PPARGC1A: variants seen among roughly 807,000 people sequenced by gnomAD.
The protein encoded by PPARGC1A is PPARG coactivator 1 alpha, also known as peroxisome proliferator-activated receptor gamma coactivator 1-alpha.
In PPARGC1A, 25 loss-of-function variants were observed where a neutral mutation model predicts 88.7. The ratio of observed to expected loss-of-function variants is 0.28; its 90% CI spans 0.21 to 0.39. PPARGC1A has a LOEUF of 0.39. Ranked by LOEUF, PPARGC1A falls within the 10% of genes least tolerant of loss-of-function variation. The probability of loss-of-function intolerance (pLI) is 1.00; values close to 1 mark genes in which losing one functional copy is unlikely to be tolerated. For missense variants in PPARGC1A, 880 were observed against 968.7 expected (o/e 0.91, Z 1.22); for synonymous variants, 363 against 355.6 (o/e 1.02, Z -0.24).
chr4:24,137,292 A>G, the PPARGC1A span, among the ~76,000 whole-genome samples: 1 of 151,852 alleles, frequency 6.6e-6, no homozygotes, highest in Non-Finnish European at 1.5e-5. Context: ...CCTCAGAGGA[A>G]AACAACCCTG....
At chr4:23,894,575 A>G (rs191913999), upstream of PPARGC1A, among the ~76,000 whole-genome samples, 1 of 152,278 alleles carries the variant, frequency 6.6e-6, no homozygotes, top group Admixed American at 6.5e-5. Context: ...TTTTTAATAA[A>G]CAAGTTATGA....
the PPARGC1A span, among the ~76,000 whole-genome samples, chr4:24,450,797 G>T: frequency 6.6e-6 from 1 of 151,778 alleles, no homozygotes; most frequent in Non-Finnish European, 1.5e-5. Flanking sequence ...ACCATTTGAA[G>T]GAAAAAAAAA....
At chr4:24,241,087 C>T in the PPARGC1A span, among the ~76,000 whole-genome samples, 40,243 of 152,108 alleles carry the variant, frequency 0.26, 5,950 homozygotes, top group Non-Finnish European at 0.33. Context: ...ACACAATTCA[C>T]CCATTCTTTT....
chr4:24,181,178 C>G, the PPARGC1A span, among the ~76,000 whole-genome samples: 1 of 152,166 alleles, frequency 6.6e-6, no homozygotes, highest in Non-Finnish European at 1.5e-5. Flanking sequence ...AGGTGAATTA[C>G]TAATAGTTAA....
chr4:24,321,834 C>A, the PPARGC1A span, among the ~76,000 whole-genome samples: 3 of 152,210 alleles, frequency 2.0e-5, no homozygotes, highest in African/African-American at 7.2e-5. Context: ...TAAGAACAGA[C>A]AACAACTCAG....
At chr4:23,965,350 C>T in the PPARGC1A span, among the ~76,000 whole-genome samples, 1 of 152,186 alleles carries the variant, frequency 6.6e-6, no homozygotes, top group Non-Finnish European at 1.5e-5. Context: ...TTCTATACCA[C>T]TAATGCTTGA....
At chr4:24,112,344 CTATTT>C in the PPARGC1A span, among the ~76,000 whole-genome samples, 2 of 152,140 alleles carry the variant, frequency 1.3e-5, no homozygotes, top group African/African-American at 2.4e-5. Context: ...CTACATTTTT[CTATTT>C]TTTACAGAAA....
At chr4:24,264,499 CAGA>C in the PPARGC1A span, among the ~76,000 whole-genome samples, 1 of 152,100 alleles carries the variant, frequency 6.6e-6, no homozygotes, top group African/African-American at 2.4e-5. Context: ...AGAGCCTTGG[CAGA>C]AGGTCAGCCA....
chr4:24,308,993 G>C, the PPARGC1A span, among the ~76,000 whole-genome samples: 2 of 151,946 alleles, frequency 1.3e-5, no homozygotes, highest in Non-Finnish European at 2.9e-5. Flanking sequence ...AATTTAGAAA[G>C]CTAAGGAGTT....
intron 10 of PPARGC1A, among the ~76,000 whole-genome samples, chr4:23,807,249 T>A (rs1384822204): frequency 6.6e-6 from 1 of 152,162 alleles, no homozygotes; most frequent in Non-Finnish European, 1.5e-5. Context: ...TTCTAAAAAA[T>A]GCTGAGAAGT....
the PPARGC1A span, among the ~76,000 whole-genome samples, chr4:24,209,705 A>T: frequency 6.6e-6 from 1 of 152,310 alleles, no homozygotes; most frequent in Admixed American, 6.5e-5. Context: ...GAAAGAAAAC[A>T]GTGTGTCTTC....
chr4:24,089,932 G>A, the PPARGC1A span, among the ~76,000 whole-genome samples: 1 of 152,194 alleles, frequency 6.6e-6, no homozygotes, highest in African/African-American at 2.4e-5. Context: ...AAACAGCACA[G>A]GCAATATTTT....
At chr4:23,827,031 G>A (rs2109638063) in intron 5 of PPARGC1A, among the ~76,000 whole-genome samples, 1 of 152,242 alleles carries the variant, frequency 6.6e-6, no homozygotes, top group East Asian at 1.9e-4. Flanking sequence ...CCCCTCACCT[G>A]AGGCCTTCAT....
At position 23,813,989 on chromosome 4, in the gene PPARGC1A, A is replaced by G; in HGVS notation, c.1494T>C (p.Pro498=). 1 of 1,614,110 alleles carries G rather than the reference A, an allele frequency of 6.2e-7. No individual in the cohort carries two copies. Among genetic ancestry groups the G allele is most frequent in the Non-Finnish European group, 8.5e-7 (1 of 1,179,966 alleles). Reference sequence around the variant, plus strand: ...TGGCTAGTCCTGAATTTATAAACATAGGTAGTTTGGAGAATTGTTCATTAC... The same window carrying G: ...TGGCTAGTCCTGAATTTATAAACATGGGTAGTTTGGAGAATTGTTCATTAC... ...DFSNEQFSKL[P]MFINSGLAMD... The change falls in exon 8 of 13, where the codon CCT becomes CCC. Residue 498 remains proline (P), a synonymous_variant. Coordinates refer to ENST00000264867, the MANE Select transcript of PPARGC1A (RefSeq NM_013261.5).
the PPARGC1A span, among the ~76,000 whole-genome samples, chr4:24,051,015 G>A: frequency 7.9e-5 from 12 of 151,640 alleles, no homozygotes; most frequent in South Asian, 2.1e-4. Context: ...GTGAAACCCC[G>A]TCTCTACTAA....
the PPARGC1A span, among the ~76,000 whole-genome samples, chr4:24,436,397 C>T: frequency 1.0e-2 from 1,518 of 152,320 alleles, 25 homozygotes; most frequent in African/African-American, 0.035. Flanking sequence ...AGGTGGCCAA[C>T]GAGTTGACAT....
the PPARGC1A span, among the ~76,000 whole-genome samples, chr4:23,979,795 C>T: frequency 2.6e-5 from 4 of 152,166 alleles, no homozygotes; most frequent in Non-Finnish European, 5.9e-5. Context: ...TCAGCATGCA[C>T]CTTTGTGCCT....
chr4:24,040,365 C>A, the PPARGC1A span, among the ~76,000 whole-genome samples: 6 of 152,156 alleles, frequency 3.9e-5, no homozygotes, highest in African/African-American at 1.4e-4. Context: ...GAAACCATAG[C>A]CTCTTTGAAA....
intron 10 of PPARGC1A, among the ~76,000 whole-genome samples, chr4:23,808,866 T>C (rs555123736): frequency 2.0e-4 from 30 of 152,298 alleles, no homozygotes; most frequent in African/African-American, 6.7e-4. Context: ...CTCCTACTTA[T>C]GGAACTCAAA....
Sources: allele counts gnomAD v4.1 joint callset (sites outside exome capture counted in the v4.1 genomes callset), GRCh38; gene constraint gnomAD v4.1.1; transcripts MANE v1.5; gene names NCBI Gene and HGNC (gene_info 2026-07-23, HGNC 2026-07-21).